The following LRRC4C variants were observed in gnomAD, a reference collection of about 807,000 sequenced individuals.
LRRC4C encodes leucine-rich repeat-containing protein 4C.
In LRRC4C, 5 loss-of-function variants were observed where a neutral mutation model predicts 33.6. The ratio of observed to expected loss-of-function variants is 0.15; its 90% CI spans 0.08 to 0.31. LRRC4C has a LOEUF of 0.31. Ranked by LOEUF, LRRC4C falls within the 10% of genes least tolerant of loss-of-function variation. The probability of loss-of-function intolerance (pLI) is 1.00; values close to 1 mark genes in which losing one functional copy is unlikely to be tolerated. For synonymous variants in LRRC4C, 329 were observed against 302.0 expected, an observed-to-expected ratio of 1.09 and a Z score of -0.93; for missense variants, 560 against 796.7, an observed-to-expected ratio of 0.70 and a Z score of 3.58.
intron 2 of LRRC4C, among the ~76,000 whole-genome samples, chr11:40,886,295 G>A (rs1300879844): frequency 6.6e-6 from 1 of 151,688 alleles, no homozygotes; most frequent in African/African-American, 2.4e-5. Context: ...AGTAGCTTTG[G>A]CTAAAATAAC....
chr11:40,607,003 A>G (rs575338424), intron 3 of LRRC4C, among the ~76,000 whole-genome samples: 2 of 152,330 alleles, frequency 1.3e-5, no homozygotes, highest in South Asian at 4.1e-4. Flanking sequence ...TCATAAGACT[A>G]TTAGTGAATT....
chr11:40,548,716 T>C (rs1438671849), intron 3 of LRRC4C, among the ~76,000 whole-genome samples: 1 of 152,148 alleles, frequency 6.6e-6, no homozygotes, highest in African/African-American at 2.4e-5. Context: ...AGAGTACGAA[T>C]GGCAGCTTAA....
chr11:40,482,800 A>G (rs1953655250), intron 3 of LRRC4C, among the ~76,000 whole-genome samples: 3 of 152,160 alleles, frequency 2.0e-5, no homozygotes, highest in Non-Finnish European at 2.9e-5. Context: ...AAGAATACAA[A>G]GAACCTAAAT....
chr11:40,935,514 G>A (rs1159116005), intron 1 of LRRC4C, among the ~76,000 whole-genome samples: 1 of 152,006 alleles, frequency 6.6e-6, no homozygotes, highest in African/African-American at 2.4e-5. Flanking sequence ...GGTATTTTTA[G>A]ATACACAAAT....
At chr11:40,384,721 G>A (rs557612982) in intron 3 of LRRC4C, among the ~76,000 whole-genome samples, 129 of 152,094 alleles carry the variant, frequency 8.5e-4, no homozygotes, top group Non-Finnish European at 1.6e-3. Flanking sequence ...CATCTCAATT[G>A]GTATTCTCCA....
intron 1 of LRRC4C, among the ~76,000 whole-genome samples, chr11:41,081,669 G>T (rs1411551998): frequency 6.6e-6 from 1 of 152,022 alleles, no homozygotes; most frequent in East Asian, 1.9e-4. Context: ...TCTTAAAGTT[G>T]CATTTACTAT....
intron 1 of LRRC4C, among the ~76,000 whole-genome samples, chr11:41,049,976 T>C (rs900064045): frequency 1.3e-5 from 2 of 152,164 alleles, no homozygotes; most frequent in African/African-American, 2.4e-5. Flanking sequence ...AAGAGCATAA[T>C]TAGCTCATCA....
intron 1 of LRRC4C, among the ~76,000 whole-genome samples, chr11:41,342,261 A>C (rs974279213): frequency 1.3e-5 from 2 of 152,198 alleles, no homozygotes; most frequent in Non-Finnish European, 2.9e-5. Flanking sequence ...TTATGCTATT[A>C]GGTCATTAAT....
chr11:41,232,552 A>C (rs1469359892), intron 1 of LRRC4C, among the ~76,000 whole-genome samples: 1 of 152,096 alleles, frequency 6.6e-6, no homozygotes, highest in African/African-American at 2.4e-5. Flanking sequence ...CCTACATTTC[A>C]AAATATTAGT....
At chr11:40,418,133 G>A (rs923380057) in intron 3 of LRRC4C, among the ~76,000 whole-genome samples, 8 of 152,110 alleles carry the variant, frequency 5.3e-5, no homozygotes, top group African/African-American at 1.9e-4. Flanking sequence ...GATCAAGAAA[G>A]GTGGGACAAG....
At chr11:41,060,459 G>A (rs997286539) in intron 1 of LRRC4C, among the ~76,000 whole-genome samples, 5 of 152,116 alleles carry the variant, frequency 3.3e-5, no homozygotes, top group African/African-American at 9.7e-5. Flanking sequence ...TGTTTCTGGC[G>A]AGTACCCTCT....
intron 1 of LRRC4C, among the ~76,000 whole-genome samples, chr11:41,306,689 GA>G (rs1385965504): frequency 6.6e-6 from 1 of 152,194 alleles, no homozygotes; most frequent in Non-Finnish European, 1.5e-5. Context: ...AGGGTATAAG[GA>G]AGTCTATGGG....
chr11:41,273,322 T>C (rs1460676855), intron 1 of LRRC4C, among the ~76,000 whole-genome samples: 2 of 152,232 alleles, frequency 1.3e-5, no homozygotes, highest in East Asian at 1.9e-4. Flanking sequence ...CCATTCACAA[T>C]AGTCAACATA....
chr11:40,122,970 CACACACACACACACACAT>C (rs1162903118), intron 6 of LRRC4C, among the ~76,000 whole-genome samples: 4 of 139,948 alleles, frequency 2.9e-5, no homozygotes, highest in African/African-American at 1.1e-4. Flanking sequence ...CACACACACA[CACACACACACACACACAT>C]ATATACTATT....
intron 3 of LRRC4C, among the ~76,000 whole-genome samples, chr11:40,404,464 T>C (rs1260664336): frequency 6.6e-6 from 1 of 152,170 alleles, no homozygotes; most frequent in Non-Finnish European, 1.5e-5. Flanking sequence ...CAGTTTATCC[T>C]CACCTTCCAT....
At position 40,994,983 on chromosome 11, in the gene LRRC4C, G is replaced by A. The variant is rs114566692; in HGVS notation, c.-495-61260C>T. Among the ~76,000 whole-genome samples, 337 of 152,164 alleles carry A rather than the reference G, an allele frequency of 2.2e-3. 1 individual carries two copies. The highest frequency in any genetic ancestry group is 7.9e-3 in the African/African-American group (328 of 41,534). ...CTTTACACAGACACGCAGCAAAAAT[G>A]GCCAGAGGTGAAATTCAGAGAGGAC... On this transcript the variant is annotated intron_variant, in intron 1 of 6. Transcript: ENST00000528697.
intron 1 of LRRC4C, among the ~76,000 whole-genome samples, chr11:41,419,164 A>G (rs1199966752): frequency 6.6e-6 from 1 of 151,898 alleles, no homozygotes; most frequent in Non-Finnish European, 1.5e-5. Flanking sequence ...CCACCCTTCC[A>G]CTTGACTATA....
chr11:41,137,065 T>A (rs1296832265), intron 1 of LRRC4C, among the ~76,000 whole-genome samples: 1 of 152,028 alleles, frequency 6.6e-6, no homozygotes, highest in Non-Finnish European at 1.5e-5. Flanking sequence ...CTGGCCAACA[T>A]GGCGAAACCC....
chr11:41,099,931 G>T (rs1941060625), intron 1 of LRRC4C, among the ~76,000 whole-genome samples: 1 of 152,030 alleles, frequency 6.6e-6, no homozygotes, highest in South Asian at 2.1e-4. Context: ...TTCTGTATCT[G>T]GAAAACCCCA....
Sources: gnomAD v4.1 joint callset for allele counts (sites outside exome capture counted in the v4.1 genomes callset) on GRCh38, gnomAD v4.1.1 for gene constraint, MANE v1.5 for transcripts, NCBI Gene and HGNC (gene_info 2026-07-23, HGNC 2026-07-21) for gene names.